The following LRRC69 variants were observed in gnomAD, a reference collection of about 807,000 sequenced individuals.
The protein encoded by LRRC69 is leucine rich repeat containing 69.
LRRC69 carries 42 observed loss-of-function variants against 37.8 expected under a neutral mutation model. That is an observed-to-expected ratio of 1.11 (90% CI 0.87 to 1.44). LRRC69 has a LOEUF of 1.44. LRRC69 is among the 40% of genes most tolerant of loss of function. LRRC69 has a pLI of 0.00. For missense variants in LRRC69, 357 were observed against 401.9 expected, an observed-to-expected ratio of 0.89 and a Z score of 0.96; for synonymous variants, 141 against 143.1, an observed-to-expected ratio of 0.99 and a Z score of 0.11.
intron 5 of LRRC69, among the ~76,000 whole-genome samples, chr8:91,139,744 C>T (rs1193908365): frequency 6.6e-6 from 1 of 151,780 alleles, no homozygotes; most frequent in African/African-American, 2.4e-5. Context: ...GATACTATGT[C>T]TGGATTGGTT....
Position 91,200,804 on chromosome 8 carries a change from T to G in LRRC69, c.933+12T>G, listed in dbSNP as rs1222292256. On this transcript the variant is annotated intron_variant, in intron 7 of 7. Coordinates refer to ENST00000448384, the Ensembl canonical transcript of LRRC69. Reference sequence around the variant, plus strand: ...TTCCTCCACCAAAGGTAAATGATGCTTTTTATGCGAATATGAGCATAATAC... The same window carrying G: ...TTCCTCCACCAAAGGTAAATGATGCGTTTTATGCGAATATGAGCATAATAC... 4 of 1,526,112 alleles carry G rather than the reference T, an allele frequency of 2.6e-6. No individual in the cohort carries two copies. The East Asian group carries it at 7.5e-5, about 29-fold the overall frequency. 94.5% of individuals were successfully genotyped at this position (1,526,112 alleles called of 1,614,324 possible).
rs114912825 is a variant in LRRC69 at position 91,207,769 on chromosome 8, A to G, written c.933+6977A>G. On this transcript the variant is annotated intron_variant, in intron 7 of 7. Transcript: ENST00000448384. Reference sequence around the variant, plus strand: ...GAGGTATGAGAGATGAAGTTGGAGAAAACAGCAGTGTGGGTTACAGTGACT... The same window carrying G: ...GAGGTATGAGAGATGAAGTTGGAGAGAACAGCAGTGTGGGTTACAGTGACT... Among the ~76,000 whole-genome samples, 840 of 152,336 alleles carry G rather than the reference A, an allele frequency of 5.5e-3. 11 individuals are homozygous for G. The highest frequency in any genetic ancestry group is 0.02 in the African/African-American group (814 of 41,572).
intron 1 of LRRC69, among the ~76,000 whole-genome samples, chr8:91,115,977 A>G (rs553352640): frequency 1.3e-5 from 2 of 152,044 alleles, no homozygotes; most frequent in Non-Finnish European, 2.9e-5. Flanking sequence ...GAGCCAGGTA[A>G]TGAATATATA....
chr8:91,119,217 C>G (rs894861188), intron 1 of LRRC69, among the ~76,000 whole-genome samples: 9 of 152,042 alleles, frequency 5.9e-5, no homozygotes, highest in African/African-American at 2.2e-4. Flanking sequence ...AAAGGTAACT[C>G]TATCCTTGCT....
chr8:91,157,463 A>G (rs970278380), intron 5 of LRRC69: 9 of 1,603,508 alleles, frequency 5.6e-6, no homozygotes, highest in Non-Finnish European at 7.7e-6. Flanking sequence ...AAAATATGCA[A>G]GAAAGGAAGT....
At chr8:91,114,344 G>A (rs775009781) in intron 1 of LRRC69, among the ~76,000 whole-genome samples, 3 of 151,844 alleles carry the variant, frequency 2.0e-5, no homozygotes, top group Non-Finnish European at 2.9e-5. Context: ...AGAGGTATCC[G>A]CACTCACATG....
At chr8:91,178,257 C>CCAGGCCTAGAGG in intron 5 of LRRC69, among the ~76,000 whole-genome samples, 1 of 152,270 alleles carries the variant, frequency 6.6e-6, no homozygotes, top group East Asian at 1.9e-4. Flanking sequence ...TGGAAAGAGT[C>CCAGGCCTAGAGG]CAGGCCTAGA....
chr8:91,151,448 G>A (rs201323146), intron 5 of LRRC69, among the ~76,000 whole-genome samples: 2 of 150,854 alleles, frequency 1.3e-5, no homozygotes, highest in Admixed American at 6.6e-5. Flanking sequence ...GTGGTCTGAG[G>A]GACAGTTTGT....
At position 91,122,536 on chromosome 8, in the gene LRRC69, T is replaced by A. The variant is rs1813644358; in HGVS notation, c.184-1957T>A. Reference sequence around the variant, plus strand: ...AATATTCTGGACACTTCTATTGCTCTAAGTAGTAAACGGTCCCTTGTATCT... The same window carrying A: ...AATATTCTGGACACTTCTATTGCTCAAAGTAGTAAACGGTCCCTTGTATCT... On this transcript the variant is annotated intron_variant, in intron 1 of 7. Coordinates refer to ENST00000448384, the Ensembl canonical transcript of LRRC69. Among the ~76,000 whole-genome samples, 2 of 152,070 alleles carry A rather than the reference T, an allele frequency of 1.3e-5. 1 individual carries two copies. The highest frequency in any genetic ancestry group is 4.1e-4 in the South Asian group (2 of 4,834).
chr8:91,153,343 C>G (rs1406637750), intron 5 of LRRC69, among the ~76,000 whole-genome samples: 1 of 151,238 alleles, frequency 6.6e-6, no homozygotes, highest in Non-Finnish European at 1.5e-5. Context: ...GACTTGAACT[C>G]AACTCTGGAT....
intron 3 of LRRC69, chr8:91,130,667 G>T (rs1813792526): frequency 6.6e-6 from 1 of 152,000 alleles, no homozygotes; most frequent in South Asian, 2.1e-4. Context: ...GTTATTTCCA[G>T]TTTAGGGCTA....
intron 5 of LRRC69, among the ~76,000 whole-genome samples, chr8:91,184,912 C>A (rs1809380415): frequency 6.6e-6 from 1 of 152,146 alleles, no homozygotes; most frequent in African/African-American, 2.4e-5. Context: ...GAATCCAAAT[C>A]ATAACCAAGT....
chr8:91,209,987 T>C (rs1371348833), intron 7 of LRRC69, among the ~76,000 whole-genome samples: 2 of 152,200 alleles, frequency 1.3e-5, no homozygotes, highest in Admixed American at 6.5e-5. Context: ...CAGTTCATGC[T>C]ATTGAGGAGA....
chr8:91,185,685 T>A (rs768716263), intron 5 of LRRC69, among the ~76,000 whole-genome samples: 1 of 152,228 alleles, frequency 6.6e-6, no homozygotes, highest in Non-Finnish European at 1.5e-5. Flanking sequence ...TGGTCACAAA[T>A]AGTATTAATA....
intron 5 of LRRC69, among the ~76,000 whole-genome samples, chr8:91,155,786 T>C (rs533698281): frequency 1.5e-4 from 22 of 150,644 alleles, no homozygotes; most frequent in African/African-American, 5.1e-4. Flanking sequence ...GTCCTCCAGG[T>C]TCATCCATAT....
At chr8:91,161,896 T>C (rs1449988035) in intron 5 of LRRC69, among the ~76,000 whole-genome samples, 1 of 151,484 alleles carries the variant, frequency 6.6e-6, no homozygotes, top group Non-Finnish European at 1.5e-5. Flanking sequence ...TGTTCATTGC[T>C]ATAAACTTCC....
intron 5 of LRRC69, among the ~76,000 whole-genome samples, chr8:91,138,551 A>ATTT (rs34842999): frequency 0.057 from 8,257 of 145,920 alleles, 329 homozygotes; most frequent in African/African-American, 0.1. Context: ...TCAGAGCAGT[A>ATTT]TTTTTTTTTT....
rs146185189 is a variant in LRRC69, at chr8:91,129,299, A to G, written c.383+2139A>G. 1.1e-3 allele frequency among the ~76,000 whole-genome samples: 171 copies of G among 152,074 alleles called. 3 individuals carry two copies. The highest frequency in any genetic ancestry group is 2.4e-3 in the African/African-American group (99 of 41,560). On this transcript the variant is annotated intron_variant, in intron 3 of 7. Coordinates refer to ENST00000448384, the Ensembl canonical transcript of LRRC69. Reference sequence around the variant, plus strand: ...CGTCAGTCAGTGAAGTTGTTCTTCAATCTCCTGGGGAAGACAGATGTCAGG... The same window carrying G: ...CGTCAGTCAGTGAAGTTGTTCTTCAGTCTCCTGGGGAAGACAGATGTCAGG...
intron 5 of LRRC69, among the ~76,000 whole-genome samples, chr8:91,159,792 A>G (rs1425621157): frequency 2.6e-5 from 4 of 151,222 alleles, no homozygotes; most frequent in African/African-American, 9.7e-5. Flanking sequence ...AAAAACATAG[A>G]GAAATCTGGA....
Sources: allele counts gnomAD v4.1 joint callset (sites outside exome capture counted in the v4.1 genomes callset), GRCh38; gene constraint gnomAD v4.1.1; transcripts MANE v1.5; gene names NCBI Gene and HGNC (gene_info 2026-07-23, HGNC 2026-07-21).